The following ZNF76 variants were observed in gnomAD, a reference collection of about 807,000 sequenced individuals.
ZNF76 encodes zinc finger protein 76, also known as zinc finger protein 523.
Under a neutral mutation model 66.9 loss-of-function variants are expected in ZNF76, and 66 were observed. That is an observed-to-expected ratio of 0.99 (90% CI 0.81 to 1.21). The LOEUF (loss-of-function observed/expected upper bound fraction) is 1.21, where lower values mean the gene tolerates loss of function less well. Ranked by LOEUF, ZNF76 falls within the 50% of genes most tolerant of loss-of-function variation. The pLI is 0.00. For missense variants in ZNF76, 729 were observed against 760.3 expected (o/e 0.96, Z 0.48); for synonymous variants, 275 against 296.1 (o/e 0.93, Z 0.73).
At chr6:35,286,028 C>T (rs1225474164) in intron 2 of ZNF76, 100 bp from the exon 3 acceptor site, 11 of 1,077,322 alleles carry the variant, frequency 1.0e-5, no homozygotes, top group Admixed American at 1.8e-5. Flanking sequence ...CCTGCAGGCT[C>T]GTGCCTAGAG....
In ZNF76 at chr6:35,287,793, A is replaced by T; in HGVS notation, c.380A>T (p.Asp127Val). The T allele has an allele frequency of 6.2e-7, 1 of 1,613,292 alleles. No homozygotes were observed. Among genetic ancestry groups the T allele is most frequent in the East Asian group, 2.2e-5 (1 of 44,798 alleles). Reference sequence around the variant, plus strand: ...TTGGAGGACCTGGCAGCAGAGGATGATGAGGGCTTCAGTGCAGACGCAGTG... The same window carrying T: ...TTGGAGGACCTGGCAGCAGAGGATGTTGAGGGCTTCAGTGCAGACGCAGTG... The part of the protein sequence containing the change: ...VGLEDLAAED[D>V]EGFSADAVVA... Residue 127 changes from aspartate to valine, a missense_variant, in exon 5 of 14, where the codon GAT (aspartate) becomes GTT (valine). Transcript: ENST00000373953. The surrounding 1 kb of genome is among the most constrained non-coding windows in gnomAD (Gnocchi z 4.0).
chr6:35,294,950 C>T (rs1016804430), intron 13 of ZNF76, 194 bp from the exon 14 acceptor site: 3 of 595,150 alleles, frequency 5.0e-6, no homozygotes, highest in African/African-American at 1.9e-5. Context: ...TCCAGGGCCC[C>T]CTGGCCATGC....
intron 5 of ZNF76, among the ~76,000 whole-genome samples, chr6:35,288,949 T>TAAA (rs34352057): frequency 3.1e-5 from 3 of 95,768 alleles, no homozygotes; most frequent in Admixed American, 1.1e-4. Flanking sequence ...AGATCCTATC[T>TAAA]AAAAAAAAAA....
chr6:35,294,834 C>T (rs1790953162), intron 13 of ZNF76: 4 of 570,456 alleles, frequency 7.0e-6, no homozygotes, highest in Non-Finnish European at 1.3e-5. Flanking sequence ...TTTTGTGTCT[C>T]TGTTTCTTCA....
chr6:35,277,394 C>T (rs1170572334), intron 1 of ZNF76, among the ~76,000 whole-genome samples: 1 of 152,216 alleles, frequency 6.6e-6, no homozygotes, highest in Non-Finnish European at 1.5e-5. Context: ...ATTTCCCTCT[C>T]TCCTGGAAAA....
At chr6:35,264,046 T>C (rs568343002) in intron 1 of ZNF76, among the ~76,000 whole-genome samples, 1 of 152,354 alleles carries the variant, frequency 6.6e-6, no homozygotes, top group East Asian at 1.9e-4. Context: ...CCACTGCACC[T>C]GGCTGGTTTT....
rs577398006 is a variant in ZNF76 at position 35,262,372 on chromosome 6, C to G, written c.-97+2531C>G. Among the ~76,000 whole-genome samples the G allele has an allele frequency of 2.0e-5, 3 of 152,308 alleles. No homozygotes were observed. In the South Asian group the frequency reaches 6.2e-4, roughly 32 times the overall value. ...GAAAGTGAGAGTGACCTTCCTACTGCCATTTTCTCAAGTTGCCATATTTTG... is the reference window on the plus strand; with the variant it reads ...GAAAGTGAGAGTGACCTTCCTACTGGCATTTTCTCAAGTTGCCATATTTTG... On this transcript the variant is annotated intron_variant, in intron 1 of 13. Transcript: ENST00000373953.
chr6:35,291,728 A>G lies in ZNF76; in HGVS notation c.922A>G (p.Ile308Val), dbSNP rs1450482210. Residue 308 changes from isoleucine (I) to valine (V), a missense_variant, in exon 9 of 14, where the codon ATC becomes GTC. Physicochemically the swap from Ile to Val is conservative, Grantham distance 29. Transcript: ENST00000373953. The stretch of plus-strand genomic sequence containing the variant: ...CACCAACTATAAGAATCACGTGCGC[A>G]TCCACACAGGTGGGCTAGCTGGCAT... ...SATNYKNHVR[I>V]HTGEKPYVCT... 8.1e-6 allele frequency: 13 copies of G among 1,608,418 alleles called. No homozygotes were observed. The highest frequency in any genetic ancestry group is 1.1e-5 in the Non-Finnish European group (13 of 1,179,986).
Position 35,270,173 on chromosome 6 carries a change from G to A in ZNF76, c.-97+10332G>A, listed in dbSNP as rs150867907. Among the ~76,000 whole-genome samples the A allele has an allele frequency of 1.9e-3, 284 of 152,220 alleles. 2 individuals are homozygous for A. Among genetic ancestry groups the A allele is most frequent in the African/African-American group, 6.4e-3 (267 of 41,518 alleles). ...TTTTATTGAGACCAAGTCTTGCTCTGTCGCCCAAGCTGGAATGCAGTGGTG... is the reference window on the plus strand; with the variant it reads ...TTTTATTGAGACCAAGTCTTGCTCTATCGCCCAAGCTGGAATGCAGTGGTG... On this transcript the variant is annotated intron_variant, in intron 1 of 13. Coordinates refer to ENST00000373953, the MANE Select transcript of ZNF76 (RefSeq NM_003427.5).
At chr6:35,262,600 A>C (rs2150333574) in intron 1 of ZNF76, among the ~76,000 whole-genome samples, 1 of 152,084 alleles carries the variant, frequency 6.6e-6, no homozygotes, top group East Asian at 1.9e-4. Context: ...GTATGCTCTA[A>C]AACCATCTAG....
rs1020293504 is a variant in ZNF76, at chr6:35,295,691, C to T, written c.*443C>T. The T allele has an allele frequency of 4.8e-6, 1 of 207,370 alleles. No individual in the cohort carries two copies. The highest frequency in any genetic ancestry group is 2.3e-5 in the African/African-American group (1 of 44,412). The allele number at this position is 207,370 out of a possible 1,614,324, so 12.8% of individuals were successfully genotyped here. A position where few individuals can be genotyped will look rare whatever the true frequency, so the allele number is the denominator to read the frequency against. ...CTGCCCTCCCAGCAATAACCACCTC[C>T]CTGGAGGCCAGCTGAGATGCCTGGC... On this transcript the variant is annotated 3_prime_UTR_variant, in exon 14 of 14. Coordinates refer to ENST00000373953, the MANE Select transcript of ZNF76 (RefSeq NM_003427.5).
rs1379950038 is a variant in ZNF76 at position 35,287,761 on chromosome 6, G to A, written c.348G>A (p.Glu116=). ...SESTILAVQT[E]VGLEDLAAED... ...GCACCATCCTGGCCGTACAGACAGA[G>A]GTGGGCTTGGAGGACCTGGCAGCAG... Residue 116 remains glutamate (E), a synonymous_variant, in exon 5 of 14, where the codon GAG becomes GAA. Coordinates refer to ENST00000373953, the MANE Select transcript of ZNF76 (RefSeq NM_003427.5). The surrounding 1 kb of genome is among the most constrained non-coding windows in gnomAD (Gnocchi z 4.0). The A allele has an allele frequency of 6.2e-7, 1 of 1,614,092 alleles. No homozygotes were observed. Among genetic ancestry groups the A allele is most frequent in the African/African-American group, 1.3e-5 (1 of 74,952 alleles).
chr6:35,293,669 G>A, intron 11 of ZNF76, 82 bp from the exon 12 acceptor site: 1 of 1,486,734 alleles, frequency 6.7e-7, no homozygotes, highest in Non-Finnish European at 9.2e-7. Flanking sequence ...ACCTTGTCTG[G>A]GAGAGCAGGT....
At chr6:35,280,623 C>T (rs1227488259) in intron 1 of ZNF76, among the ~76,000 whole-genome samples, 1 of 139,832 alleles carries the variant, frequency 7.2e-6, no homozygotes, top group Non-Finnish European at 1.5e-5. Context: ...ATTGTGAGTT[C>T]TGTTGAGGAC....
chr6:35,294,779 G>A (rs1039089520), intron 13 of ZNF76: 1 of 613,286 alleles, frequency 1.6e-6, no homozygotes, highest in African/African-American at 1.8e-5. Flanking sequence ...CTGGCCTTCA[G>A]GATAACTCCG....
chr6:35,272,409 C>T (rs1341233312), intron 1 of ZNF76, among the ~76,000 whole-genome samples: 1 of 152,006 alleles, frequency 6.6e-6, no homozygotes, highest in Admixed American at 6.5e-5. Context: ...TTCAAGGTTG[C>T]AGTGAGCTAT....
At chr6:35,265,524 A>C (rs1490522892) in intron 1 of ZNF76, among the ~76,000 whole-genome samples, 1 of 122,696 alleles carries the variant, frequency 8.2e-6, no homozygotes, top group African/African-American at 4.8e-5. Flanking sequence ...AAAAAAAAAG[A>C]AGAAGAAGAA....
chr6:35,271,933 T>A (rs138371736), intron 1 of ZNF76, among the ~76,000 whole-genome samples: 2,608 of 135,982 alleles, frequency 0.019, 31 homozygotes, highest in Non-Finnish European at 0.03. Context: ...CTACAAAAAT[T>A]TAAAAATTTA....
In ZNF76 at chr6:35,287,146, G is replaced by A. The variant is rs2150368205; in HGVS notation, c.233-500G>A. Among the ~76,000 whole-genome samples the A allele has an allele frequency of 6.6e-6, 1 of 152,272 alleles. No homozygotes were observed. Among genetic ancestry groups the A allele is most frequent in the South Asian group, 2.1e-4 (1 of 4,830 alleles). On this transcript the variant is annotated intron_variant, in intron 4 of 13. Coordinates refer to ENST00000373953, the MANE Select transcript of ZNF76 (RefSeq NM_003427.5). The surrounding 1 kb of genome is among the most constrained non-coding windows in gnomAD (Gnocchi z 4.0). ...AGGAGCTAGAGCCCTGGGAGTGAAGGCAGAATGAGCAGGAGGAAACTGGAG... is the reference window on the plus strand; with the variant it reads ...AGGAGCTAGAGCCCTGGGAGTGAAGACAGAATGAGCAGGAGGAAACTGGAG...
Sources: gnomAD v4.1 joint callset for allele counts (sites outside exome capture counted in the v4.1 genomes callset) on GRCh38, gnomAD v4.1.1 for gene constraint, Gnocchi (gnomAD v3.1) non-coding constraint, MANE v1.5 for transcripts, NCBI Gene and HGNC (gene_info 2026-07-23, HGNC 2026-07-21) for gene names.